The following ABCG1 variants were observed in gnomAD, a reference collection of about 807,000 sequenced individuals.
ABCG1 encodes ATP binding cassette subfamily G member 1.
Under a neutral mutation model 69.2 loss-of-function variants are expected in ABCG1, and 29 were observed. The observed-to-expected ratio is 0.42, with a 90% CI of 0.31 to 0.57. The LOEUF is 0.57. Among genes scored for constraint, ABCG1 ranks in the 20% least tolerant of loss-of-function variants. The pLI is 0.15. For synonymous variants in ABCG1, 370 were observed against 374.8 expected (o/e 0.99, Z 0.15); for missense variants, 718 against 898.1 (o/e 0.80, Z 2.56).
intron 2 of ABCG1, among the ~76,000 whole-genome samples, chr21:42,243,490 G>GCA (rs1491478430): frequency 3.4e-5 from 4 of 116,340 alleles, no homozygotes; most frequent in African/African-American, 1.3e-4. Flanking sequence ...GTGTGTGTGT[G>GCA]CGCTGGTTTA....
chr21:42,269,053 A>G (rs1601419023), intron 2 of ABCG1, among the ~76,000 whole-genome samples: 1 of 151,982 alleles, frequency 6.6e-6, no homozygotes, highest in African/African-American at 2.4e-5. Context: ...CGAGGCATGA[A>G]CCCTCAGGTG....
At chr21:42,295,991 G>T (rs1021854276) in intron 14 of ABCG1, among the ~76,000 whole-genome samples, 173 bp from the exon 15 acceptor site, 1 of 152,190 alleles carries the variant, frequency 6.6e-6, no homozygotes, top group African/African-American at 2.4e-5. Flanking sequence ...TGTTGCACGT[G>T]TTTGTCTTAA....
At chr21:42,266,404 C>G (rs1409287079) in intron 2 of ABCG1, among the ~76,000 whole-genome samples, 1 of 152,230 alleles carries the variant, frequency 6.6e-6, no homozygotes, top group African/African-American at 2.4e-5. Context: ...GGTGCTTCCA[C>G]TGCTCCTTTT....
chr21:42,280,380 C>T (rs2068786425), intron 5 of ABCG1, among the ~76,000 whole-genome samples: 1 of 152,218 alleles, frequency 6.6e-6, no homozygotes, highest in African/African-American at 2.4e-5. Flanking sequence ...GCAGCCTCAG[C>T]CCTCCAGAGC....
chr21:42,215,964 C>T, upstream of ABCG1: 1 of 244,380 alleles, frequency 4.1e-6, no homozygotes. Flanking sequence ...AATTGTAGCT[C>T]CCATAATTCC....
intron 2 of ABCG1, among the ~76,000 whole-genome samples, chr21:42,237,807 CT>C (rs891191031): frequency 1.3e-5 from 2 of 152,222 alleles, no homozygotes; most frequent in African/African-American, 4.8e-5. Flanking sequence ...TTTCTGAGGG[CT>C]GTTTCTTTGG....
intron 2 of ABCG1, among the ~76,000 whole-genome samples, chr21:42,230,456 G>A (rs1412696720): frequency 1.3e-5 from 2 of 152,248 alleles, no homozygotes; most frequent in African/African-American, 2.4e-5. Flanking sequence ...CTGCGCTGGG[G>A]ACAGATCAGA....
chr21:42,225,018 T>C (rs1462640708), intron 1 of ABCG1, among the ~76,000 whole-genome samples: 3 of 152,134 alleles, frequency 2.0e-5, no homozygotes, highest in African/African-American at 7.2e-5. Flanking sequence ...TGGAACACGG[T>C]CCTTAAATTG....
intron 2 of ABCG1, among the ~76,000 whole-genome samples, chr21:42,243,468 G>T (rs1018462536): frequency 6.6e-6 from 1 of 150,536 alleles, no homozygotes; most frequent in Non-Finnish European, 1.5e-5. Context: ...GTGTGTGTGT[G>T]TGTGTGTGTG....
In ABCG1 at chr21:42,276,823, G is replaced by T; in HGVS notation, c.538-72G>T. ...TTGGCTAGCTGCACCGTGGCCTGCA[G>T]TGCGGGCATGAGGCTCACACTGCCA... On this transcript the variant is annotated intron_variant, in intron 4 of 14. Coordinates refer to ENST00000398449, the MANE Select transcript of ABCG1 (RefSeq NM_016818.3). This position sits in a 1 kb window ranked among gnomAD's most constrained non-coding sequence, Gnocchi z 5.3. The T allele has an allele frequency of 6.6e-7, 1 of 1,525,326 alleles. No homozygotes were observed. The highest frequency in any genetic ancestry group is 1.1e-5 in the South Asian group (1 of 88,488). The allele number at this position is 1,525,326 out of a possible 1,614,324, so 94.5% of individuals were successfully genotyped here.
upstream of ABCG1, among the ~76,000 whole-genome samples, chr21:42,213,861 A>G (rs534128687): frequency 5.9e-5 from 9 of 152,326 alleles, no homozygotes; most frequent in South Asian, 2.1e-4. Flanking sequence ...TTGGAAGCAC[A>G]TAACTTGTGT....
At chr21:42,243,974 A>G (rs374253567) in intron 2 of ABCG1, among the ~76,000 whole-genome samples, 253 of 151,286 alleles carry the variant, frequency 1.7e-3, no homozygotes, top group Middle Eastern at 0.014. Context: ...GCCCGCCACC[A>G]CGCCCGGCTA....
chr21:42,288,214 T>G lies in ABCG1; in HGVS notation c.1126T>G (p.Ser376Ala). Residue 376 changes from serine to alanine, a missense_variant, in exon 10 of 15, where the codon TCC (serine) becomes GCC (alanine). Ser to Ala is a moderately conservative substitution (Grantham distance 99). This residue lies in a region of ABCG1 where 514 missense variants were observed against 574.3 expected (regional missense o/e 0.90). Transcript: ENST00000398449. The surrounding 1 kb of genome is among the most constrained non-coding windows in gnomAD (Gnocchi z 4.8). ...FLWHRPSEED[S>A]SSMEGCHSFS... ...CCCCTCTTGCGTGTGTCCTCAGGAC[T>G]CCTCGTCCATGGAAGGCTGCCACAG... 6 of 1,614,160 alleles carry G rather than the reference T, an allele frequency of 3.7e-6. No homozygotes were observed. The highest frequency in any genetic ancestry group is 5.1e-6 in the Non-Finnish European group (6 of 1,179,982).
rs979226809 is a variant in ABCG1 at position 42,282,520 on chromosome 21, G to C, written c.734+101G>C. 83 of 1,403,930 alleles carry C rather than the reference G, an allele frequency of 5.9e-5. No individual in the cohort carries two copies. The East Asian group carries it at 1.1e-3, about 19-fold the overall frequency. 87.0% of individuals were successfully genotyped at this position (1,403,930 alleles called of 1,614,324 possible). Reference sequence around the variant, plus strand: ...CTGACATCCTGATGTAGCCTCAGAGGGGGTGAGTTGAGCTCACCCGGCGGT... The same window carrying C: ...CTGACATCCTGATGTAGCCTCAGAGCGGGTGAGTTGAGCTCACCCGGCGGT... On this transcript the variant is annotated intron_variant, in intron 6 of 14. Transcript: ENST00000398449.
intron 2 of ABCG1, among the ~76,000 whole-genome samples, chr21:42,235,287 C>T (rs1377840623): frequency 6.6e-6 from 1 of 152,206 alleles, no homozygotes; most frequent in Non-Finnish European, 1.5e-5. Context: ...GTGTGGTGTC[C>T]GCAGGGGAAC....
Position 42,296,460 on chromosome 21 carries a change from G to A in ABCG1, c.*68G>A. On this transcript the variant is annotated 3_prime_UTR_variant, in exon 15 of 15. Coordinates refer to ENST00000398449, the MANE Select transcript of ABCG1 (RefSeq NM_016818.3). This position sits in a 1 kb window ranked among gnomAD's most constrained non-coding sequence, Gnocchi z 5.4. ...CGAGGGCACGTCTAGAATCGAGGAGGCAAGCCTGTGCCCGACCGACGACAC... is the reference window on the plus strand; with the variant it reads ...CGAGGGCACGTCTAGAATCGAGGAGACAAGCCTGTGCCCGACCGACGACAC... The A allele has an allele frequency of 7.1e-7, 1 of 1,415,986 alleles. No homozygotes were observed. The highest frequency in any genetic ancestry group is 1.8e-5 in the Admixed American group (1 of 55,166). The allele number at this position is 1,415,986 out of a possible 1,614,324, so 87.7% of individuals were successfully genotyped here.
At chr21:42,281,017 T>C (rs943495364) in intron 5 of ABCG1, among the ~76,000 whole-genome samples, 4 of 152,198 alleles carry the variant, frequency 2.6e-5, no homozygotes, top group Non-Finnish European at 5.9e-5. Context: ...AGCAAGGAGG[T>C]TCAGGACAGG....
At chr21:42,295,484 C>T (rs1413216451) in intron 14 of ABCG1, 1 of 152,360 alleles carries the variant, frequency 6.6e-6, no homozygotes, top group Non-Finnish European at 1.5e-5. Flanking sequence ...TACAACGTTT[C>T]GTGCCCTCTG....
intron 2 of ABCG1, among the ~76,000 whole-genome samples, chr21:42,228,448 C>T (rs971539907): frequency 3.9e-5 from 6 of 152,212 alleles, no homozygotes; most frequent in African/African-American, 1.2e-4. Context: ...CCTCCCCTGC[C>T]TGCCCCATCC....
Sources: gnomAD v4.1 joint callset for allele counts (sites outside exome capture counted in the v4.1 genomes callset) on GRCh38, gnomAD v4.1.1 for gene constraint, gnomAD v4.1.1 regional missense constraint, Gnocchi (gnomAD v3.1) non-coding constraint, MANE v1.5 for transcripts, NCBI Gene and HGNC (gene_info 2026-07-23, HGNC 2026-07-21) for gene names.